SLC41A3: variants seen among roughly 807,000 people sequenced by gnomAD.
SLC41A3 encodes solute carrier family 41 member 3, also known as SLC41A1-like 2.
A neutral mutation model predicts 45.4 loss-of-function variants in SLC41A3; 44 were observed. That is an observed-to-expected ratio of 0.97 (90% CI 0.76 to 1.25). The LOEUF is 1.25. Ranked by LOEUF, SLC41A3 falls within the 50% of genes most tolerant of loss-of-function variation. The pLI, the probability that SLC41A3 is intolerant of heterozygous loss-of-function variation, is 0.00. For missense variants in SLC41A3, 550 were observed against 600.6 expected (o/e 0.92, Z 0.88); for synonymous variants, 256 against 252.4 (o/e 1.01, Z -0.13).
rs575665715 is a variant in SLC41A3, at chr3:126,081,826, C to T, written c.-28+2267G>A. On this transcript the variant is annotated intron_variant, in intron 1 of 10. Transcript: ENST00000360370. ...CCACAGTCTTGGTGAGTCACTCACACGCGTGCCTGAGGAGGTTAACCCAAG... is the reference window on the plus strand; with the variant it reads ...CCACAGTCTTGGTGAGTCACTCACATGCGTGCCTGAGGAGGTTAACCCAAG... Among the ~76,000 whole-genome samples, 450 of 152,352 alleles carry T rather than the reference C, an allele frequency of 3.0e-3. 3 individuals are homozygous for T. The highest frequency in any genetic ancestry group is 0.01 in the African/African-American group (424 of 41,586).
intron 3 of SLC41A3, among the ~76,000 whole-genome samples, chr3:126,050,742 T>C (rs2107885718): frequency 6.6e-6 from 1 of 152,292 alleles, no homozygotes. Flanking sequence ...TGCACATCCC[T>C]CAGTCATCCA....
At chr3:126,077,540 C>A (rs560165876) in intron 1 of SLC41A3, among the ~76,000 whole-genome samples, 2 of 152,180 alleles carry the variant, frequency 1.3e-5, no homozygotes, top group East Asian at 1.9e-4. Flanking sequence ...TGTTCTAGAT[C>A]CTGGATTTTA....
chr3:126,044,895 C>CAAA lies in SLC41A3; in HGVS notation c.381+6045_381+6047dup, dbSNP rs57581225. Among the ~76,000 whole-genome samples the CAAA allele has an allele frequency of 5.4e-4, 45 of 82,718 alleles. 9 individuals carry two copies. Among genetic ancestry groups the CAAA allele is most frequent in the African/African-American group, 1.8e-3 (30 of 16,566 alleles). The allele number at this position is 82,718 out of a possible 152,430, so 54.3% of individuals were successfully genotyped here. On this transcript the variant is annotated intron_variant, in intron 3 of 10. Coordinates refer to ENST00000360370, the MANE Select transcript of SLC41A3 (RefSeq NM_017836.4). ...TGGGCGACAGAGCGAGACTCCATCT[C>CAAA]AAAAAAAAAAAAAAAAAAAAAAAAA...
Position 126,054,124 on chromosome 3 carries a change from T to A in SLC41A3, c.274-3074A>T, listed in dbSNP as rs556287195. Among the ~76,000 whole-genome samples the A allele has an allele frequency of 2.0e-5, 3 of 152,166 alleles. No individual in the cohort carries two copies. The South Asian group carries it at 6.2e-4, about 31-fold the overall frequency. On this transcript the variant is annotated intron_variant, in intron 2 of 10. Coordinates refer to ENST00000360370, the MANE Select transcript of SLC41A3 (RefSeq NM_017836.4). ...TGGGGTGGGTTTTGTGGCACAAATATGACCCCATCACTCAGCCACCTGTAA... is the reference window on the plus strand; with the variant it reads ...TGGGGTGGGTTTTGTGGCACAAATAAGACCCCATCACTCAGCCACCTGTAA...
intron 2 of SLC41A3, among the ~76,000 whole-genome samples, chr3:126,059,642 G>A (rs950268830): frequency 1.3e-5 from 2 of 152,186 alleles, no homozygotes; most frequent in Non-Finnish European, 2.9e-5. Flanking sequence ...CAGCTTCTGG[G>A]CTGCCTGCCA....
At chr3:126,036,771 T>C (rs1474141729) in intron 3 of SLC41A3, among the ~76,000 whole-genome samples, 1 of 152,222 alleles carries the variant, frequency 6.6e-6, no homozygotes, top group Non-Finnish European at 1.5e-5. Context: ...TCTGTATTTT[T>C]TTCTAATAAC....
At chr3:126,022,706 C>G in intron 6 of SLC41A3, 80 bp downstream of exon 6, 1 of 1,542,230 alleles carries the variant, frequency 6.5e-7, no homozygotes, top group Non-Finnish European at 8.9e-7. Flanking sequence ...GCAAAAGTAC[C>G]CACTCAGCCT....
intron 1 of SLC41A3, among the ~76,000 whole-genome samples, chr3:126,082,747 C>T (rs569319927): frequency 1.3e-5 from 2 of 152,346 alleles, no homozygotes; most frequent in African/African-American, 4.8e-5. Flanking sequence ...ACATCCTGCC[C>T]GGGGACCTGG....
chr3:126,052,679 C>A (rs1293725178), intron 2 of SLC41A3, among the ~76,000 whole-genome samples: 1 of 152,202 alleles, frequency 6.6e-6, no homozygotes, highest in Non-Finnish European at 1.5e-5. Context: ...AAAGCACCTG[C>A]TGACAGGCAC....
chr3:126,075,569 T>A (rs1360247625), intron 1 of SLC41A3, among the ~76,000 whole-genome samples: 1 of 152,086 alleles, frequency 6.6e-6, no homozygotes, highest in Non-Finnish European at 1.5e-5. Context: ...AGAATGAAGT[T>A]GGAGAACACA....
At chr3:126,057,937 T>C (rs1305793271) in intron 2 of SLC41A3, 1 of 152,144 alleles carries the variant, frequency 6.6e-6, no homozygotes, top group South Asian at 2.1e-4. Context: ...GAGAACAAAG[T>C]GGAAGAGACG....
chr3:126,095,462 T>G, intron 1 of SLC41A3: 1 of 461,278 alleles, frequency 2.2e-6, no homozygotes, highest in Non-Finnish European at 3.8e-6. Flanking sequence ...GTAGCTACGA[T>G]AGTGATGATC....
intron 1 of SLC41A3, chr3:126,095,248 G>T (rs1444698614): frequency 1.5e-6 from 1 of 689,456 alleles, no homozygotes; most frequent in Non-Finnish European, 2.6e-6. Flanking sequence ...TCATGAGCCA[G>T]ATGCCAAGGA....
At chr3:126,020,962 C>T (rs6438956) in intron 6 of SLC41A3, among the ~76,000 whole-genome samples, 151,646 of 151,996 alleles carry the variant, frequency 1, 75,652 homozygotes, top group Middle Eastern at 1. Context: ...TGGCGCTATC[C>T]CGGCTCACTG....
chr3:126,015,545 C>T lies in SLC41A3; in HGVS notation c.919G>A (p.Val307Ile), dbSNP rs142563901. Reference sequence around the variant, plus strand: ...ATGCCTTTGTACTGCTGTTTAGAAACGGTTTTGCTCAAGATGAGTCCTCCG... The same window carrying T: ...ATGCCTTTGTACTGCTGTTTAGAAATGGTTTTGCTCAAGATGAGTCCTCCG... ...SFGGLILSKT[V>I]SKQQYKGMAI... Residue 307 changes from valine to isoleucine, a missense_variant, in exon 8 of 11, where the codon GTT becomes ATT. Physicochemically the swap from Val to Ile is conservative, Grantham distance 29 (BLOSUM62 3). Transcript: ENST00000360370. 3.8e-5 allele frequency: 61 copies of T among 1,614,054 alleles called. No individual in the cohort carries two copies. The highest frequency in any genetic ancestry group is 1.8e-4 in the East Asian group (8 of 44,892).
upstream of SLC41A3, chr3:126,084,201 G>T (rs1482053932): frequency 6.6e-6 from 1 of 151,986 alleles, no homozygotes; most frequent in African/African-American, 2.4e-5. Flanking sequence ...CCCCGCCCCG[G>T]CCGGGCGGCC....
chr3:126,077,555 A>T (rs2108072387), intron 1 of SLC41A3, among the ~76,000 whole-genome samples: 1 of 152,156 alleles, frequency 6.6e-6, no homozygotes, highest in South Asian at 2.1e-4. Flanking sequence ...ATTTTATTTG[A>T]TAGAAAGTAT....
intron 4 of SLC41A3, among the ~76,000 whole-genome samples, chr3:126,030,718 G>C (rs551687521): frequency 6.6e-5 from 10 of 152,136 alleles, no homozygotes; most frequent in African/African-American, 2.4e-4. Flanking sequence ...CAGGTAGGTC[G>C]GTGGGTGAGT....
At chr3:126,042,165 A>AT (rs1942635802) in intron 3 of SLC41A3, among the ~76,000 whole-genome samples, 1 of 152,212 alleles carries the variant, frequency 6.6e-6, no homozygotes. Context: ...GGTGCCCAAC[A>AT]TATTAGAGTT....
Sources: gnomAD v4.1 joint callset for allele counts (sites outside exome capture counted in the v4.1 genomes callset) on GRCh38, gnomAD v4.1.1 for gene constraint, MANE v1.5 for transcripts, NCBI Gene and HGNC (gene_info 2026-07-23, HGNC 2026-07-21) for gene names.